Variants in CCDC77 observed in about 807,000 individuals in gnomAD.
The protein encoded by CCDC77 is coiled-coil domain-containing protein 77.
CCDC77 carries 56 observed loss-of-function variants against 66.8 expected under a neutral mutation model. That is an observed-to-expected ratio of 0.84 (90% confidence interval 0.68 to 1.05). The LOEUF (loss-of-function observed/expected upper bound fraction) is 1.05. CCDC77 is among the 50% of genes least tolerant of loss of function. CCDC77 has a pLI of 0.00. For synonymous variants in CCDC77, 196 were observed against 195.2 expected, an observed-to-expected ratio of 1.00 and a Z score of -0.03; for missense variants, 570 against 576.8, an observed-to-expected ratio of 0.99 and a Z score of 0.12.
At chr12:419,679 TA>T (rs1433512385) in intron 5 of CCDC77, among the ~76,000 whole-genome samples, 36 of 56,494 alleles carry the variant, frequency 6.4e-4, no homozygotes, top group African/African-American at 1.2e-3. Flanking sequence ...AGTGAGAGGG[TA>T]AAATACACAT....
In CCDC77 at chr12:442,092, C is replaced by T. The variant is rs1189524034; in HGVS notation, c.*172C>T. 3.1e-5 allele frequency: 21 copies of T among 671,376 alleles called. No homozygotes were observed. In the East Asian group the frequency reaches 4.2e-4, roughly 14 times the overall value. 41.6% of individuals were successfully genotyped at this position (671,376 alleles called of 1,614,324 possible). ...CCACTAGGAAAGCTTTTCTTGCATACTCAGCTTGCTTTATCATTTTTGCTG... is the reference window on the plus strand; with the variant it reads ...CCACTAGGAAAGCTTTTCTTGCATATTCAGCTTGCTTTATCATTTTTGCTG... On this transcript the variant is annotated 3_prime_UTR_variant, in exon 13 of 13. Transcript: ENST00000239830.
At chr12:391,404 G>A (rs755342666) in intron 1 of CCDC77, among the ~76,000 whole-genome samples, 2 of 151,846 alleles carry the variant, frequency 1.3e-5, no homozygotes, top group Non-Finnish European at 1.5e-5. Context: ...GTAGTAAGCC[G>A]AGATCGTGCC....
intron 6 of CCDC77, among the ~76,000 whole-genome samples, chr12:429,349 T>C (rs567059603): frequency 2.0e-5 from 3 of 151,928 alleles, no homozygotes; most frequent in South Asian, 2.1e-4. Context: ...GAAATAGTTA[T>C]GTGTCTGTGT....
intron 1 of CCDC77, among the ~76,000 whole-genome samples, chr12:403,095 G>C (rs920683261): frequency 4.6e-5 from 7 of 152,152 alleles, no homozygotes; most frequent in African/African-American, 1.7e-4. Flanking sequence ...CAAATCAAGA[G>C]GTTGAAAGAG....
intron 6 of CCDC77, among the ~76,000 whole-genome samples, chr12:429,650 G>A (rs371443147): frequency 6.6e-6 from 1 of 151,912 alleles, no homozygotes; most frequent in African/African-American, 2.4e-5. Flanking sequence ...GCAGAGATGG[G>A]GTTTCACCAT....
At chr12:407,355 A>G (rs1186615335) in intron 2 of CCDC77, among the ~76,000 whole-genome samples, 1 of 152,136 alleles carries the variant, frequency 6.6e-6, no homozygotes, top group Non-Finnish European at 1.5e-5. Context: ...TATTTATTGG[A>G]ATGTAGAATT....
rs550675533 is a variant in CCDC77, at chr12:413,961, C to T, written c.270+1983C>T. Among the ~76,000 whole-genome samples, 8 of 151,628 alleles carry T rather than the reference C, an allele frequency of 5.3e-5. No homozygotes were observed. In the South Asian group the frequency reaches 8.3e-4, roughly 16 times the overall value. ...TCTTGACTGCAGTTTCATCTCGGTC[C>T]TTGCCATGCCACTAAAACCGTGCCG... On this transcript the variant is annotated intron_variant, in intron 4 of 12. Transcript: ENST00000239830.
At position 429,128 on chromosome 12, in the gene CCDC77, A is replaced by G. The variant is rs10848961; in HGVS notation, c.510+263A>G. On this transcript the variant is annotated intron_variant, in intron 6 of 12. Coordinates refer to ENST00000239830, the MANE Select transcript of CCDC77 (RefSeq NM_032358.4). ...ACAGAGAGGAAAGCAGGAGCAGACTATGTGTGGGAGCAAGTTTTGATGCTT... is the reference window on the plus strand; with the variant it reads ...ACAGAGAGGAAAGCAGGAGCAGACTGTGTGTGGGAGCAAGTTTTGATGCTT... 0.76 allele frequency among the ~76,000 whole-genome samples: 114,937 copies of G among 152,054 alleles called. 43,509 individuals carry two copies. The highest frequency in any genetic ancestry group is 0.83 in the Middle Eastern group (244 of 294).
chr12:441,297 GTAAT>G (rs1443441822), intron 12 of CCDC77, among the ~76,000 whole-genome samples: 2 of 152,202 alleles, frequency 1.3e-5, no homozygotes, highest in Non-Finnish European at 2.9e-5. Flanking sequence ...GGGAGGGTGA[GTAAT>G]TGAGTGATAG....
Position 430,698 on chromosome 12 carries a change from G to C in CCDC77, c.545G>C (p.Gly182Ala). Residue 182 changes from glycine to alanine, a missense_variant, in exon 7 of 13, where the codon GGT becomes GCT. Gly to Ala is a moderately conservative substitution (Grantham distance 60, BLOSUM62 0). Transcript: ENST00000239830. ...TILQKTIQAV[G>A]ECEQSESSAF... ...CTCCAAAAGACTATCCAGGCTGTAGGTGAATGTGAGCAGAGTGAATCTTCA... is the reference window on the plus strand; with the variant it reads ...CTCCAAAAGACTATCCAGGCTGTAGCTGAATGTGAGCAGAGTGAATCTTCA... 1 of 1,614,004 alleles carries C rather than the reference G, an allele frequency of 6.2e-7. No individual in the cohort carries two copies. Among genetic ancestry groups the C allele is most frequent in the Non-Finnish European group, 8.5e-7 (1 of 1,179,884 alleles).
At chr12:404,474 G>A (rs1944955566) in intron 1 of CCDC77, among the ~76,000 whole-genome samples, 1 of 152,148 alleles carries the variant, frequency 6.6e-6, no homozygotes, top group African/African-American at 2.4e-5. Flanking sequence ...AGATGTCATA[G>A]TAGAAGCCCG....
chr12:423,129 T>TTTTC lies in CCDC77; in HGVS notation c.413+4496_413+4497insCTTT, dbSNP rs1555145498. Reference sequence around the variant, plus strand: ...TCTTTTAAGCCTTTTTTTTTTTTTTTTTTTTTTTTGAGACAGGGTCTCACT... The same window carrying TTTTC: ...TCTTTTAAGCCTTTTTTTTTTTTTTTTTTCTTTTTTTTTGAGACAGGGTCTCACT... On this transcript the variant is annotated intron_variant, in intron 5 of 12. Coordinates refer to ENST00000239830, the MANE Select transcript of CCDC77 (RefSeq NM_032358.4). Among the ~76,000 whole-genome samples, 91 of 113,976 alleles carry TTTTC rather than the reference T, an allele frequency of 8.0e-4. 2 individuals carry two copies. Among genetic ancestry groups the TTTTC allele is most frequent in the East Asian group, 5.9e-3 (22 of 3,712 alleles). 74.8% of individuals were successfully genotyped at this position (113,976 alleles called of 152,430 possible).
chr12:423,471 T>G lies in CCDC77; in HGVS notation c.413+4835T>G, dbSNP rs868463691. 1.1e-3 allele frequency among the ~76,000 whole-genome samples: 57 copies of G among 53,380 alleles called. 1 individual carries two copies. Among genetic ancestry groups the G allele is most frequent in the East Asian group, 6.0e-3 (8 of 1,326 alleles). 35.0% of individuals were successfully genotyped at this position (53,380 alleles called of 152,430 possible). A position where few individuals can be genotyped will look rare whatever the true frequency, so the allele number is the denominator to read the frequency against. ...TGTTATTTTCTGGGTGTTTTTTGTG[T>G]TTTTTGTGTTTTTTTTTGTTTTGTT... is the stretch of plus-strand genomic sequence containing the variant. On this transcript the variant is annotated intron_variant, in intron 5 of 12. Coordinates refer to ENST00000239830, the MANE Select transcript of CCDC77 (RefSeq NM_032358.4).
rs770744645 is a variant in CCDC77, at chr12:423,474, TTTGTGTTTTTTTTTGTTTTG to T, written c.413+4841_413+4860del. On this transcript the variant is annotated intron_variant, in intron 5 of 12. Coordinates refer to ENST00000239830, the MANE Select transcript of CCDC77 (RefSeq NM_032358.4). The stretch of plus-strand genomic sequence containing the variant: ...TATTTTCTGGGTGTTTTTTGTGTTT[TTTGTGTTTTTTTTTGTTTTG>T]TTTTTTTTTTTTTTTTTTTGAGACA... Among the ~76,000 whole-genome samples the T allele has an allele frequency of 8.6e-3, 269 of 31,270 alleles. 23 individuals are homozygous for T. The highest frequency in any genetic ancestry group is 0.019 in the Middle Eastern group (1 of 54). The allele number at this position is 31,270 out of a possible 152,430, so 20.5% of individuals were successfully genotyped here. A position where few individuals can be genotyped will look rare whatever the true frequency, so the allele number is the denominator to read the frequency against.
At position 440,530 on chromosome 12, in the gene CCDC77, T is replaced by C. The variant is rs78793113; in HGVS notation, c.1042-87T>C. 2.4e-5 allele frequency: 35 copies of C among 1,478,590 alleles called. 1 individual carries two copies. In the Middle Eastern group the frequency reaches 7.4e-4, roughly 31 times the overall value. 91.6% of individuals were successfully genotyped at this position (1,478,590 alleles called of 1,614,324 possible). A position where few individuals can be genotyped will look rare whatever the true frequency, so the allele number is the denominator to read the frequency against. ...ATTTTGTACCTCTGGAAATCCCTTC[T>C]TTTCTTTCTTTCTTTGCCTAAAAGC... On this transcript the variant is annotated intron_variant, in intron 10 of 12. Coordinates refer to ENST00000239830, the MANE Select transcript of CCDC77 (RefSeq NM_032358.4).
At chr12:418,327 C>A (rs991798450) in intron 4 of CCDC77, among the ~76,000 whole-genome samples, 167 bp from the exon 5 acceptor site, 2 of 151,200 alleles carry the variant, frequency 1.3e-5, no homozygotes, top group Non-Finnish European at 2.9e-5. Flanking sequence ...AATAAAAAAA[C>A]AAACAAACTC....
chr12:432,665 C>T (rs1945674576), intron 8 of CCDC77, among the ~76,000 whole-genome samples: 1 of 152,136 alleles, frequency 6.6e-6, no homozygotes, highest in Non-Finnish European at 1.5e-5. Flanking sequence ...GATTTTGTAG[C>T]TTTGTTTGTG....
chr12:402,144 A>C (rs982278130), intron 1 of CCDC77, among the ~76,000 whole-genome samples: 5 of 152,230 alleles, frequency 3.3e-5, no homozygotes, highest in African/African-American at 1.2e-4. Context: ...AGCTATAAGA[A>C]TATATCTAAG....
rs748253859 is a variant in CCDC77, at chr12:430,754, T to C, written c.583+18T>C. 8.2e-6 allele frequency: 13 copies of C among 1,586,420 alleles called. No homozygotes were observed. In the South Asian group the frequency reaches 1.3e-4, roughly 16 times the overall value. The stretch of plus-strand genomic sequence containing the variant: ...CAAAGCAGGTAACAACCATATAACC[T>C]ATTAGAAATTCTCATCAATGCAGAA... On this transcript the variant is annotated intron_variant, in intron 7 of 12. Transcript: ENST00000239830.
Sources: gnomAD v4.1 joint callset for allele counts (sites outside exome capture counted in the v4.1 genomes callset) on GRCh38, gnomAD v4.1.1 for gene constraint, MANE v1.5 for transcripts, NCBI Gene and HGNC (gene_info 2026-07-23, HGNC 2026-07-21) for gene names.